Variants in FOXK1 observed in about 807,000 individuals in gnomAD.
The protein encoded by FOXK1 is forkhead box K1.
Under a neutral mutation model 51.9 loss-of-function variants are expected in FOXK1, and 19 were observed. The ratio of observed to expected loss-of-function variants is 0.37; its 90% confidence interval spans 0.26 to 0.54. FOXK1 has a LOEUF of 0.54. Among genes scored for constraint, FOXK1 ranks in the 20% least tolerant of loss-of-function variants. The probability of loss-of-function intolerance (pLI) is 0.87; values close to 1 mark genes in which losing one functional copy is unlikely to be tolerated. For missense variants in FOXK1, 870 were observed against 1,032.7 expected (o/e 0.84, Z 2.16); for synonymous variants, 537 against 482.6 (o/e 1.11, Z -1.48).
In FOXK1 at chr7:4,759,288, T is replaced by C. The variant is rs1037868541; in HGVS notation, c.1412-23T>C. 19 of 1,601,738 alleles carry C rather than the reference T, an allele frequency of 1.2e-5. No homozygotes were observed. In the African/African-American group the frequency reaches 1.5e-4, roughly 12 times the overall value. ...CGTGGGGGTGCGGGAGGGGTCACCGTCCGCTCTCCGCCCTCCGTGCAGGCT... is the reference window on the plus strand; with the variant it reads ...CGTGGGGGTGCGGGAGGGGTCACCGCCCGCTCTCCGCCCTCCGTGCAGGCT... On this transcript the variant is annotated intron_variant, in intron 6 of 8. Coordinates refer to ENST00000328914, the MANE Select transcript of FOXK1 (RefSeq NM_001037165.2).
At chr7:4,746,636 T>C (rs1780706076) in intron 2 of FOXK1, among the ~76,000 whole-genome samples, 1 of 152,200 alleles carries the variant, frequency 6.6e-6, no homozygotes, top group South Asian at 2.1e-4. Context: ...TGTGGCGAGC[T>C]ATGATGTCAC....
In FOXK1 at chr7:4,761,185, C is replaced by T. The variant is rs748714663; in HGVS notation, c.1818C>T (p.Pro606=). ...GACACACGGTCACCATCCTGCAGCC[C>T]GCCACACCCGTGACCCTCGGGCAGC... The part of the protein sequence containing the change: ...VPGHTVTILQ[P]ATPVTLGQHH... Residue 606 remains proline, a synonymous_variant, in exon 8 of 9, where the codon CCC becomes CCT. Transcript: ENST00000328914. The surrounding 1 kb of genome is among the most constrained non-coding windows in gnomAD (Gnocchi z 6.2). 8.1e-6 allele frequency: 13 copies of T among 1,612,848 alleles called. No homozygotes were observed. Among genetic ancestry groups the T allele is most frequent in the African/African-American group, 4.0e-5 (3 of 74,944 alleles).
rs73671903 is a variant in FOXK1, at chr7:4,764,454, C to T, written c.*1990C>T. On this transcript the variant is annotated 3_prime_UTR_variant, in exon 9 of 9. Coordinates refer to ENST00000328914, the MANE Select transcript of FOXK1 (RefSeq NM_001037165.2). ...CCGGCTGTCCTGGGTGCAGTTACGT[C>T]CGTGGAGGGTGAGAGATTGCGCCCC... The T allele has an allele frequency of 0.01, 1,614 of 154,676 alleles. 23 individuals carry two copies. Among genetic ancestry groups the T allele is most frequent in the African/African-American group, 0.028 (1,148 of 41,636 alleles). The allele number at this position is 154,676 out of a possible 1,614,324, so 9.6% of individuals were successfully genotyped here. A position where few individuals can be genotyped will look rare whatever the true frequency, so the allele number is the denominator to read the frequency against.
At chr7:4,738,844 T>G (rs775430397) in intron 1 of FOXK1, among the ~76,000 whole-genome samples, 39 of 152,154 alleles carry the variant, frequency 2.6e-4, no homozygotes, top group Non-Finnish European at 4.7e-4. Context: ...TGAGCCAGCT[T>G]AAGTGCCTGA....
Position 4,729,410 on chromosome 7 carries a change from A to T in FOXK1, c.561-11428A>T, listed in dbSNP as rs531122276. 5.6e-4 allele frequency among the ~76,000 whole-genome samples: 86 copies of T among 152,306 alleles called. No homozygotes were observed. The South Asian group carries it at 6.6e-3, about 12-fold the overall frequency. On this transcript the variant is annotated intron_variant, in intron 1 of 8. Transcript: ENST00000328914. The surrounding 1 kb of genome is among the most constrained non-coding windows in gnomAD (Gnocchi z 6.2). Reference sequence around the variant, plus strand: ...ACGGGTCCCCATGTTGGGATTGGGAAGCAGTCACCTACCAGATGAGCGTTC... The same window carrying T: ...ACGGGTCCCCATGTTGGGATTGGGATGCAGTCACCTACCAGATGAGCGTTC...
chr7:4,688,322 T>G (rs1779846197), intron 1 of FOXK1, among the ~76,000 whole-genome samples: 1 of 152,062 alleles, frequency 6.6e-6, no homozygotes, highest in Admixed American at 6.6e-5. Flanking sequence ...GAATAATAAT[T>G]TCTTACTGTC....
At chr7:4,721,351 C>T (rs528741012) in intron 1 of FOXK1, among the ~76,000 whole-genome samples, 1 of 152,292 alleles carries the variant, frequency 6.6e-6, no homozygotes, top group Non-Finnish European at 1.5e-5. Context: ...AATGGTGCAA[C>T]CTTCTGATGA....
rs1482465635 is a variant in FOXK1, at chr7:4,730,310, C to G, written c.561-10528C>G. Among the ~76,000 whole-genome samples the G allele has an allele frequency of 6.6e-6, 1 of 152,214 alleles. No homozygotes were observed. Among genetic ancestry groups the G allele is most frequent in the Non-Finnish European group, 1.5e-5 (1 of 68,038 alleles). On this transcript the variant is annotated intron_variant, in intron 1 of 8. Coordinates refer to ENST00000328914, the MANE Select transcript of FOXK1 (RefSeq NM_001037165.2). This position sits in a 1 kb window ranked among gnomAD's most constrained non-coding sequence, Gnocchi z 4.7. Reference sequence around the variant, plus strand: ...AGGGCCCAGAGCCGAGTACACTCGGCCAGGGTGAGTGATGGGCAGGCACAG... The same window carrying G: ...AGGGCCCAGAGCCGAGTACACTCGGGCAGGGTGAGTGATGGGCAGGCACAG...
At position 4,762,507 on chromosome 7, in the gene FOXK1, C is replaced by T. The variant is rs1197860374; in HGVS notation, c.*43C>T. ...GGGAGTGGGACTCACCCAGCGGCGACCCCGAAGCTGGACCCGGCAGCTCAG... is the reference window on the plus strand; with the variant it reads ...GGGAGTGGGACTCACCCAGCGGCGATCCCGAAGCTGGACCCGGCAGCTCAG... On this transcript the variant is annotated 3_prime_UTR_variant, in exon 9 of 9. Transcript: ENST00000328914. The surrounding 1 kb of genome is among the most constrained non-coding windows in gnomAD (Gnocchi z 5.7). 2.0e-6 allele frequency: 3 copies of T among 1,507,134 alleles called. No individual in the cohort carries two copies. The highest frequency in any genetic ancestry group is 2.5e-5 in the South Asian group (2 of 80,658). The allele number at this position is 1,507,134 out of a possible 1,614,324, so 93.4% of individuals were successfully genotyped here.
chr7:4,717,568 AGCAAGTGTCTGGGCTGCGTAGCTGTAAG>A (rs1245999870), intron 1 of FOXK1, among the ~76,000 whole-genome samples: 2 of 151,984 alleles, frequency 1.3e-5, no homozygotes, highest in African/African-American at 4.8e-5. Context: ...ATGGCTGGGA[AGCAAGTGTCTGGGCTGCGTAGCTGTAAG>A]GCAAGTGTCT....
rs763691187 is a variant in FOXK1 at position 4,730,054 on chromosome 7, G to C, written c.561-10784G>C. ...CGGCTTCGGTCAGACCGTTGTCTGC[G>C]TTTTTCACCGCGTGTCACCGACTCA... On this transcript the variant is annotated intron_variant, in intron 1 of 8. Transcript: ENST00000328914. This position sits in a 1 kb window ranked among gnomAD's most constrained non-coding sequence, Gnocchi z 4.7. Among the ~76,000 whole-genome samples the C allele has an allele frequency of 2.6e-5, 4 of 152,176 alleles. No individual in the cohort carries two copies. Among genetic ancestry groups the C allele is most frequent in the East Asian group, 1.9e-4 (1 of 5,186 alleles).
intron 2 of FOXK1, among the ~76,000 whole-genome samples, chr7:4,752,212 A>G (rs959238374): frequency 6.6e-6 from 1 of 152,240 alleles, no homozygotes; most frequent in African/African-American, 2.4e-5. Flanking sequence ...TGGCACAATT[A>G]TAGCTCACTG....
intron 1 of FOXK1, among the ~76,000 whole-genome samples, chr7:4,724,242 C>A (rs1003858366): frequency 2.0e-5 from 3 of 152,162 alleles, no homozygotes; most frequent in Non-Finnish European, 2.9e-5. Context: ...GTCACCCAGG[C>A]TGGAGTGCAG....
In FOXK1 at chr7:4,722,204, C is replaced by T. The variant is rs1345493072; in HGVS notation, c.561-18634C>T. On this transcript the variant is annotated intron_variant, in intron 1 of 8. Transcript: ENST00000328914. This position sits in a 1 kb window ranked among gnomAD's most constrained non-coding sequence, Gnocchi z 5.1. ...GTGTCTCAGCAGATGCTGGATTTCA[C>T]GTCCACGGCCGCCTGGAAATAAATG... Among the ~76,000 whole-genome samples, 1 of 152,202 alleles carries T rather than the reference C, an allele frequency of 6.6e-6. No homozygotes were observed. The highest frequency in any genetic ancestry group is 1.5e-5 in the Non-Finnish European group (1 of 68,046).
chr7:4,738,677 C>G (rs1160466229), intron 1 of FOXK1, among the ~76,000 whole-genome samples: 4 of 152,174 alleles, frequency 2.6e-5, no homozygotes, highest in African/African-American at 9.7e-5. Flanking sequence ...TGGGCCGTGC[C>G]TCCCAGACAG....
intron 1 of FOXK1, among the ~76,000 whole-genome samples, chr7:4,704,661 C>T (rs1246247136): frequency 6.6e-6 from 1 of 152,030 alleles, no homozygotes; most frequent in Non-Finnish European, 1.5e-5. Flanking sequence ...GCAAGGCTGA[C>T]ATCAGTGACA....
Position 4,759,296 on chromosome 7 carries a change from C to A in FOXK1, c.1412-15C>A. 6.2e-7 allele frequency: 1 copy of A among 1,601,776 alleles called. No homozygotes were observed. Among genetic ancestry groups the A allele is most frequent in the East Asian group, 2.2e-5 (1 of 44,782 alleles). Reference sequence around the variant, plus strand: ...TGCGGGAGGGGTCACCGTCCGCTCTCCGCCCTCCGTGCAGGCTCCCCCGTC... The same window carrying A: ...TGCGGGAGGGGTCACCGTCCGCTCTACGCCCTCCGTGCAGGCTCCCCCGTC... On this transcript the variant is annotated splice_polypyrimidine_tract_variant and intron_variant, in intron 6 of 8. Coordinates refer to ENST00000328914, the MANE Select transcript of FOXK1 (RefSeq NM_001037165.2).
intron 1 of FOXK1, among the ~76,000 whole-genome samples, chr7:4,738,525 GA>G (rs1448854781): frequency 6.6e-6 from 1 of 152,116 alleles, no homozygotes; most frequent in Non-Finnish European, 1.5e-5. Flanking sequence ...CTGGACTGAA[GA>G]AAGTGTAAAG....
chr7:4,731,227 G>A lies in FOXK1; in HGVS notation c.561-9611G>A, dbSNP rs182981783. The stretch of plus-strand genomic sequence containing the variant: ...TGCAAGTCAAGCTCTGCTGTTCCCC[G>A]GCCTTCCCTTGAGACTCTTGGGGGC... On this transcript the variant is annotated intron_variant, in intron 1 of 8. Transcript: ENST00000328914. This position sits in a 1 kb window ranked among gnomAD's most constrained non-coding sequence, Gnocchi z 5.3. 1.3e-4 allele frequency among the ~76,000 whole-genome samples: 20 copies of A among 152,282 alleles called. No individual in the cohort carries two copies. Among genetic ancestry groups the A allele is most frequent in the African/African-American group, 3.4e-4 (14 of 41,556 alleles).
Sources: allele counts gnomAD v4.1 joint callset (sites outside exome capture counted in the v4.1 genomes callset), GRCh38; gene constraint gnomAD v4.1.1; non-coding constraint Gnocchi (gnomAD v3.1); transcripts MANE v1.5; gene names NCBI Gene and HGNC (gene_info 2026-07-23, HGNC 2026-07-21).